The following FARP1 variants were observed in gnomAD, a reference collection of about 807,000 sequenced individuals.
FARP1 encodes FERM, ARHGEF and pleckstrin domain-containing protein 1.
In FARP1, 52 loss-of-function variants were observed where a neutral mutation model predicts 128.8. The ratio of observed to expected loss-of-function variants is 0.40; its 90% confidence interval spans 0.32 to 0.51. The LOEUF is 0.51. Ranked by LOEUF, FARP1 falls within the 20% of genes least tolerant of loss-of-function variation. FARP1 has a pLI of 0.45. For synonymous variants in FARP1, 580 were observed against 551.8 expected, an observed-to-expected ratio of 1.05 and a Z score of -0.72; for missense variants, 1,333 against 1,367.9, an observed-to-expected ratio of 0.97 and a Z score of 0.40.
intron 24 of FARP1, chr13:98,445,818 A>C: frequency 3.1e-6 from 1 of 320,948 alleles, no homozygotes; most frequent in Non-Finnish European, 5.8e-6. Flanking sequence ...ATTTCCAAAT[A>C]AGCCTGTGTT....
At chr13:98,150,056 GAGACGGAGTCTCAC>G (rs1192402669) in intron 1 of FARP1, among the ~76,000 whole-genome samples, 1 of 146,808 alleles carries the variant, frequency 6.8e-6, no homozygotes, top group Non-Finnish European at 1.5e-5. Context: ...CTTTTTTTTT[GAGACGGAGTCTCAC>G]TCTGTCACCC....
At chr13:98,244,459 A>G in intron 2 of FARP1, 2 of 1,589,884 alleles carry the variant, frequency 1.3e-6, no homozygotes, top group South Asian at 1.1e-5. Context: ...CGCCTTTTCA[A>G]GGGAGTAGCA....
At chr13:98,255,659 T>C (rs1459200980) in intron 2 of FARP1, among the ~76,000 whole-genome samples, 1 of 152,244 alleles carries the variant, frequency 6.6e-6, no homozygotes, top group Admixed American at 6.5e-5. Context: ...ATGGAAAATA[T>C]ATTTTGTTTG....
intron 2 of FARP1, among the ~76,000 whole-genome samples, chr13:98,336,291 G>A (rs1270664649): frequency 6.6e-6 from 1 of 151,932 alleles, no homozygotes; most frequent in Non-Finnish European, 1.5e-5. Context: ...TTACTCTGTC[G>A]CCCGGGCTGG....
At chr13:98,386,019 G>A (rs1890079589) in intron 8 of FARP1, 1 of 556,208 alleles carries the variant, frequency 1.8e-6, no homozygotes, top group African/African-American at 1.9e-5. Context: ...CCTGTTTGGG[G>A]AATCCACATT....
chr13:98,395,172 A>G lies in FARP1; in HGVS notation c.1165-55A>G, dbSNP rs1890469579. 6 of 1,528,292 alleles carry G rather than the reference A, an allele frequency of 3.9e-6. No homozygotes were observed. The East Asian group carries it at 1.4e-4, about 35-fold the overall frequency. The allele number at this position is 1,528,292 out of a possible 1,614,324, so 94.7% of individuals were successfully genotyped here. A position where few individuals can be genotyped will look rare whatever the true frequency, so the allele number is the denominator to read the frequency against. ...TCTCCTTTTCTGTTTTCAGCCTTGGAATAACAGTCTCCCTCTTCTCTATCT... is the reference window on the plus strand; with the variant it reads ...TCTCCTTTTCTGTTTTCAGCCTTGGGATAACAGTCTCCCTCTTCTCTATCT... On this transcript the variant is annotated intron_variant, in intron 12 of 26. Coordinates refer to ENST00000319562, the MANE Select transcript of FARP1 (RefSeq NM_005766.4).
chr13:98,354,628 T>G (rs537910120), intron 3 of FARP1, among the ~76,000 whole-genome samples: 21 of 152,316 alleles, frequency 1.4e-4, no homozygotes, highest in African/African-American at 4.8e-4. Context: ...ATACACTAAT[T>G]TTTTTGACAC....
At chr13:98,191,269 C>G (rs118108941) in intron 1 of FARP1, among the ~76,000 whole-genome samples, 1,534 of 152,270 alleles carry the variant, frequency 0.01, 16 homozygotes, top group Non-Finnish European at 0.013. Flanking sequence ...CAAAGAGCAA[C>G]CTTGGGAGTC....
chr13:98,438,821 C>T lies in FARP1; in HGVS notation c.2292C>T (p.Gly764=). The part of the protein sequence containing the change: ...VVPGREFIRL[G]SLSKLSGKGL... Reference sequence around the variant, plus strand: ...CCCTGCAGGAGTTCATCCGTCTGGGCAGCCTCAGCAAGCTCTCGGGGAAGG... The same window carrying T: ...CCCTGCAGGAGTTCATCCGTCTGGGTAGCCTCAGCAAGCTCTCGGGGAAGG... Residue 764 remains glycine (G), a synonymous_variant, in exon 20 of 27, where the codon GGC becomes GGT. Coordinates refer to ENST00000319562, the MANE Select transcript of FARP1 (RefSeq NM_005766.4). 6.2e-7 allele frequency: 1 copy of T among 1,612,950 alleles called. No individual in the cohort carries two copies. Among genetic ancestry groups the T allele is most frequent in the Middle Eastern group, 1.9e-4 (1 of 5,172 alleles).
intron 26 of FARP1, 82 bp from the exon 27 acceptor site, chr13:98,448,154 G>T (rs1219866185): frequency 1.7e-6 from 2 of 1,207,034 alleles, no homozygotes; most frequent in Non-Finnish European, 1.2e-6. Flanking sequence ...ACTTCACCTT[G>T]TGTTTCTGTA....
chr13:98,358,761 G>A (rs966420993), intron 3 of FARP1, among the ~76,000 whole-genome samples: 3 of 151,392 alleles, frequency 2.0e-5, no homozygotes, highest in African/African-American at 7.3e-5. Context: ...TCAGCCTCTC[G>A]AGTAGTTGGG....
At chr13:98,205,219 T>C (rs376798062) in intron 1 of FARP1, among the ~76,000 whole-genome samples, 4 of 152,218 alleles carry the variant, frequency 2.6e-5, no homozygotes, top group African/African-American at 7.2e-5. Flanking sequence ...ATGGTAGTTA[T>C]CCCTGGAATA....
intron 1 of FARP1, among the ~76,000 whole-genome samples, chr13:98,188,336 G>A (rs1485268151): frequency 6.6e-6 from 1 of 152,036 alleles, no homozygotes; most frequent in Non-Finnish European, 1.5e-5. Context: ...GGCGGATCAC[G>A]AGGTCAGGAG....
chr13:98,448,156 G>C (rs962850846), intron 26 of FARP1, 80 bp from the exon 27 acceptor site: 2 of 1,241,760 alleles, frequency 1.6e-6, no homozygotes, highest in South Asian at 1.2e-5. Context: ...TTCACCTTGT[G>C]TTTCTGTAAG....
At chr13:98,191,366 G>A (rs1879218083) in intron 1 of FARP1, among the ~76,000 whole-genome samples, 1 of 152,194 alleles carries the variant, frequency 6.6e-6, no homozygotes, top group African/African-American at 2.4e-5. Context: ...TAGCAGTTAG[G>A]TCTTGTTCAT....
At chr13:98,168,429 T>C (rs1266611074) in intron 1 of FARP1, among the ~76,000 whole-genome samples, 1 of 152,248 alleles carries the variant, frequency 6.6e-6, no homozygotes, top group East Asian at 1.9e-4. Context: ...ACTTTTAGTC[T>C]CTTCAGATTA....
At chr13:98,302,358 T>C (rs1885959714) in intron 2 of FARP1, among the ~76,000 whole-genome samples, 1 of 152,178 alleles carries the variant, frequency 6.6e-6, no homozygotes, top group Non-Finnish European at 1.5e-5. Flanking sequence ...TTTTCCCCAG[T>C]TGCTATATTT....
At chr13:98,376,975 C>T (rs1288974286) in intron 5 of FARP1, among the ~76,000 whole-genome samples, 2 of 151,718 alleles carry the variant, frequency 1.3e-5, no homozygotes, top group Non-Finnish European at 2.9e-5. Context: ...TTATCTTACA[C>T]CAAAAATGTT....
chr13:98,180,300 C>G (rs576102559), intron 1 of FARP1, among the ~76,000 whole-genome samples: 42 of 152,102 alleles, frequency 2.8e-4, no homozygotes, highest in Admixed American at 1.6e-3. Flanking sequence ...GGGCCACGTA[C>G]TTCTAAACAA....
Sources: allele counts gnomAD v4.1 joint callset (sites outside exome capture counted in the v4.1 genomes callset), GRCh38; gene constraint gnomAD v4.1.1; transcripts MANE v1.5; gene names NCBI Gene and HGNC (gene_info 2026-07-23, HGNC 2026-07-21).